ITGA1: variants seen among roughly 807,000 people sequenced by gnomAD.
ITGA1 encodes the protein integrin subunit alpha 1.
A neutral mutation model predicts 145.9 loss-of-function variants in ITGA1; 85 were observed. The observed-to-expected ratio is 0.58, with a 90% CI of 0.49 to 0.70. The LOEUF is 0.70. Ranked by LOEUF, ITGA1 falls within the 30% of genes least tolerant of loss-of-function variation. The pLI is 0.00. For missense variants in ITGA1, 1,351 were observed against 1,418.7 expected (o/e 0.95, Z 0.77); for synonymous variants, 520 against 495.3 (o/e 1.05, Z -0.66).
chr5:52,869,125 C>T (rs1476038228), intron 6 of ITGA1, among the ~76,000 whole-genome samples: 1 of 152,094 alleles, frequency 6.6e-6, no homozygotes, highest in African/African-American at 2.4e-5. Context: ...GGCTATAAGC[C>T]TGCATTATAT....
At chr5:52,842,867 C>T (rs2897354) in intron 1 of ITGA1, among the ~76,000 whole-genome samples, 85,251 of 151,558 alleles carry the variant, frequency 0.56, 25,741 homozygotes, top group African/African-American at 0.79. Flanking sequence ...TTTTAATGTA[C>T]TTTTAGTAGA....
At chr5:52,906,891 C>T (rs551940665) in intron 12 of ITGA1, among the ~76,000 whole-genome samples, 3 of 152,314 alleles carry the variant, frequency 2.0e-5, no homozygotes, top group Admixed American at 6.5e-5. Flanking sequence ...AAACTGCACT[C>T]GCTTTAAAGC....
chr5:52,838,559 C>T (rs1480102664), intron 1 of ITGA1, among the ~76,000 whole-genome samples: 3 of 151,940 alleles, frequency 2.0e-5, no homozygotes, highest in Non-Finnish European at 4.4e-5. Flanking sequence ...GTTATGAATC[C>T]GTATATTTTG....
chr5:52,952,018 C>T (rs1183534831), intron 28 of ITGA1, among the ~76,000 whole-genome samples: 6 of 151,886 alleles, frequency 4.0e-5, no homozygotes, highest in Admixed American at 2.0e-4. Flanking sequence ...GGTGAAACCC[C>T]GTCTCTACTG....
At position 52,937,397 on chromosome 5, in the gene ITGA1, G is replaced by A. The variant is rs1392054020; in HGVS notation, c.2965-4G>A. On this transcript the variant is annotated splice_polypyrimidine_tract_variant and splice_region_variant and intron_variant, in intron 23 of 28. Coordinates refer to ENST00000282588, the MANE Select transcript of ITGA1 (RefSeq NM_181501.2). ...AAGATTACATTTCCATTTTTTTCTT[G>A]TAGATTAGAAAAAGTGGATCTTTTC... The A allele has an allele frequency of 1.3e-6, 2 of 1,575,050 alleles. No homozygotes were observed. Among genetic ancestry groups the A allele is most frequent in the East Asian group, 2.2e-5 (1 of 44,654 alleles).
At chr5:52,791,027 GAAC>G (rs910761916) in intron 1 of ITGA1, among the ~76,000 whole-genome samples, 16 of 152,066 alleles carry the variant, frequency 1.1e-4, no homozygotes, top group African/African-American at 3.1e-4. Flanking sequence ...GTTTACATCA[GAAC>G]AACAAGCCAC....
At position 52,908,969 on chromosome 5, in the gene ITGA1, A is replaced by C. The variant is rs1750455301; in HGVS notation, c.1527A>C (p.Leu509=). 6.2e-7 allele frequency: 1 copy of C among 1,613,920 alleles called. No homozygotes were observed. The highest frequency in any genetic ancestry group is 2.2e-5 in the East Asian group (1 of 44,846). The change falls in exon 13 of 29, where the codon CTA becomes CTC. Residue 509 remains leucine, a synonymous_variant. Transcript: ENST00000282588. Reference sequence around the variant, plus strand: ...AGGATTCTAATACTGACATTCTTCTAGTCGGAGCCCCTATGTACATGGGAA... The same window carrying C: ...AGGATTCTAATACTGACATTCTTCTCGTCGGAGCCCCTATGTACATGGGAA... ...IDKDSNTDIL[L]VGAPMYMGTE...
At chr5:52,908,710 C>A (rs755003529) in intron 12 of ITGA1, among the ~76,000 whole-genome samples, 188 bp from the exon 13 acceptor site, 3 of 152,072 alleles carry the variant, frequency 2.0e-5, no homozygotes, top group Admixed American at 1.3e-4. Flanking sequence ...AAGATGGAAC[C>A]GACTGATATT....
intron 15 of ITGA1, among the ~76,000 whole-genome samples, chr5:52,917,746 C>A (rs1369653199): frequency 6.6e-6 from 1 of 152,078 alleles, no homozygotes; most frequent in Non-Finnish European, 1.5e-5. Context: ...AAAGAAAAAA[C>A]CACTGAGTGT....
intron 12 of ITGA1, among the ~76,000 whole-genome samples, chr5:52,908,110 T>C (rs1177669766): frequency 6.6e-6 from 1 of 151,748 alleles, no homozygotes; most frequent in Non-Finnish European, 1.5e-5. Context: ...ATTCAGAAAA[T>C]GAGAGTTGGG....
rs767772614 is a variant in ITGA1 at position 52,920,342 on chromosome 5, C to T, written c.2166C>T (p.Tyr722=). The change falls in exon 17 of 29, where the codon TAC becomes TAT. Residue 722 remains tyrosine (Y), a synonymous_variant. Transcript: ENST00000282588. ...TTAAAATTTTTGTAGATTTGCAGTA[C>T]CGTGTCACCCTAGATTCACTAAGAC... ...EDTIYEADLQ[Y]RVTLDSLRQI... The T allele has an allele frequency of 6.3e-7, 1 of 1,591,844 alleles. No individual in the cohort carries two copies. The highest frequency in any genetic ancestry group is 1.2e-5 in the South Asian group (1 of 86,766).
At chr5:52,811,142 A>G (rs946534163) in intron 1 of ITGA1, among the ~76,000 whole-genome samples, 2 of 152,220 alleles carry the variant, frequency 1.3e-5, no homozygotes, top group African/African-American at 2.4e-5. Context: ...ATTTGCAAGA[A>G]CATTGCATTT....
intron 1 of ITGA1, among the ~76,000 whole-genome samples, chr5:52,818,483 G>A (rs1748813094): frequency 6.6e-6 from 1 of 152,194 alleles, no homozygotes; most frequent in Admixed American, 6.5e-5. Context: ...GACAGCATCT[G>A]AGCCATTGTG....
intron 17 of ITGA1, among the ~76,000 whole-genome samples, chr5:52,922,060 G>A (rs1348751607): frequency 2.6e-5 from 4 of 152,132 alleles, no homozygotes; most frequent in Non-Finnish European, 5.9e-5. Context: ...CAGCACTTTG[G>A]GAGGCTGAGG....
At chr5:52,802,132 G>A (rs758965555) in intron 1 of ITGA1, 2 of 298,970 alleles carry the variant, frequency 6.7e-6, no homozygotes, top group South Asian at 5.0e-5. Flanking sequence ...ATTTAAAGAC[G>A]ATGCCTATGC....
At position 52,887,798 on chromosome 5, in the gene ITGA1, G is replaced by C. The variant is rs1306177890; in HGVS notation, c.774-17G>C. On this transcript the variant is annotated splice_polypyrimidine_tract_variant and intron_variant, in intron 7 of 28. Coordinates refer to ENST00000282588, the MANE Select transcript of ITGA1 (RefSeq NM_181501.2). ...GTGGTGTCTTATCAACCTCTCTTTTGTTTGTGATTACTTTAGAAAGGAGGC... is the reference window on the plus strand; with the variant it reads ...GTGGTGTCTTATCAACCTCTCTTTTCTTTGTGATTACTTTAGAAAGGAGGC... 1.2e-6 allele frequency: 2 copies of C among 1,603,038 alleles called. No homozygotes were observed. The highest frequency in any genetic ancestry group is 3.4e-5 in the Admixed American group (2 of 58,832).
intron 1 of ITGA1, among the ~76,000 whole-genome samples, chr5:52,827,951 C>T (rs967768242): frequency 2.0e-5 from 3 of 152,104 alleles, no homozygotes; most frequent in Admixed American, 6.6e-5. Flanking sequence ...GAACCAAACC[C>T]GCAGTATCTC....
chr5:52,830,821 T>C (rs1295749039), intron 1 of ITGA1, among the ~76,000 whole-genome samples: 1 of 152,152 alleles, frequency 6.6e-6, no homozygotes, highest in Admixed American at 6.5e-5. Flanking sequence ...GGCTGTCAGT[T>C]TGTGGAAAGG....
At chr5:52,814,924 C>G (rs900293238) in intron 1 of ITGA1, among the ~76,000 whole-genome samples, 1 of 152,120 alleles carries the variant, frequency 6.6e-6, no homozygotes, top group Non-Finnish European at 1.5e-5. Context: ...CTGGGGTTAC[C>G]TCAGGCCACT....
Sources: allele counts gnomAD v4.1 joint callset (sites outside exome capture counted in the v4.1 genomes callset), GRCh38; gene constraint gnomAD v4.1.1; transcripts MANE v1.5; gene names NCBI Gene and HGNC (gene_info 2026-07-23, HGNC 2026-07-21).